Variants in NLGN1 observed in about 807,000 individuals in gnomAD.
The protein encoded by NLGN1 is neuroligin-1.
NLGN1 carries 12 observed loss-of-function variants against 65.5 expected under a neutral mutation model. The observed-to-expected ratio is 0.18, with a 90% confidence interval of 0.12 to 0.30. NLGN1 has a LOEUF of 0.30. NLGN1 is among the 10% of genes least tolerant of loss of function. NLGN1 has a pLI of 1.00. For missense variants in NLGN1, 750 were observed against 1,007.1 expected, an observed-to-expected ratio of 0.74 and a Z score of 3.46; for synonymous variants, 350 against 359.5, an observed-to-expected ratio of 0.97 and a Z score of 0.30.
At position 173,851,382 on chromosome 3, in the gene NLGN1, C is replaced by A. The variant is rs577688152; in HGVS notation, c.646+43550C>A. Among the ~76,000 whole-genome samples, 5 of 152,234 alleles carry A rather than the reference C, an allele frequency of 3.3e-5. No homozygotes were observed. The South Asian group carries it at 1.0e-3, about 32-fold the overall frequency. On this transcript the variant is annotated intron_variant, in intron 4 of 6. Transcript: ENST00000457714. ...TGTGTATTTCAATAGGCATACATAA[C>A]TAGGTCATATTGATTTATGATTATG...
At chr3:173,995,954 G>T (rs77034407) in intron 4 of NLGN1, among the ~76,000 whole-genome samples, 3,962 of 152,132 alleles carry the variant, frequency 0.026, 147 homozygotes, top group African/African-American at 0.077. Flanking sequence ...TGAAAGTGCT[G>T]GGATTATAGG....
intron 4 of NLGN1, among the ~76,000 whole-genome samples, chr3:173,871,157 A>G (rs778869795): frequency 3.9e-5 from 6 of 152,166 alleles, no homozygotes; most frequent in Non-Finnish European, 8.8e-5. Context: ...ACATGTGGTG[A>G]TGCAGGGAAG....
At chr3:173,972,799 G>C (rs1159873481) in intron 4 of NLGN1, among the ~76,000 whole-genome samples, 1 of 152,046 alleles carries the variant, frequency 6.6e-6, no homozygotes, top group Non-Finnish European at 1.5e-5. Flanking sequence ...GTGGTCCCCA[G>C]GCTAGTAGCA....
intron 3 of NLGN1, among the ~76,000 whole-genome samples, chr3:173,734,859 A>T (rs1032478622): frequency 4.6e-5 from 7 of 152,102 alleles, no homozygotes; most frequent in Non-Finnish European, 5.9e-5. Flanking sequence ...TCTGACTCAA[A>T]GTGATCAGGA....
At chr3:173,707,136 G>A (rs767075881) in intron 3 of NLGN1, among the ~76,000 whole-genome samples, 2 of 152,192 alleles carry the variant, frequency 1.3e-5, no homozygotes, top group Admixed American at 6.5e-5. Context: ...CAGGAACCAC[G>A]TCTGACCTAT....
rs370193288 is a variant in NLGN1, at chr3:174,106,980, TCACA to T, written c.647-168300_647-168297del. The stretch of plus-strand genomic sequence containing the variant: ...ATTCAAATGACAATCTCTTCAAGAA[TCACA>T]CACACACACACACACACACACACAC... On this transcript the variant is annotated intron_variant, in intron 4 of 6. Transcript: ENST00000457714. Among the ~76,000 whole-genome samples the T allele has an allele frequency of 4.0e-3, 455 of 113,118 alleles. 4 individuals carry two copies. Among genetic ancestry groups the T allele is most frequent in the South Asian group, 0.014 (43 of 3,142 alleles). 74.2% of individuals were successfully genotyped at this position (113,118 alleles called of 152,430 possible). A position where few individuals can be genotyped will look rare whatever the true frequency, so the allele number is the denominator to read the frequency against.
At chr3:173,971,534 T>C (rs555180136) in intron 4 of NLGN1, among the ~76,000 whole-genome samples, 1 of 152,158 alleles carries the variant, frequency 6.6e-6, no homozygotes, top group East Asian at 1.9e-4. Context: ...TTAAGGAGAA[T>C]ATGTACACAA....
chr3:173,522,430 G>A (rs1350223388), intron 2 of NLGN1, among the ~76,000 whole-genome samples: 2 of 152,104 alleles, frequency 1.3e-5, no homozygotes, highest in South Asian at 2.1e-4. Flanking sequence ...ATGCATACAG[G>A]TGTTGTTGTT....
At chr3:173,542,994 A>G (rs1387164338) in intron 2 of NLGN1, among the ~76,000 whole-genome samples, 14 of 152,010 alleles carry the variant, frequency 9.2e-5, no homozygotes, top group Admixed American at 9.2e-4. Flanking sequence ...TTTATTTCAC[A>G]GTAGGTGGTG....
At chr3:173,730,685 A>G (rs1178811598) in intron 3 of NLGN1, among the ~76,000 whole-genome samples, 1 of 152,058 alleles carries the variant, frequency 6.6e-6, no homozygotes, top group Non-Finnish European at 1.5e-5. Context: ...AGTAATTCAT[A>G]TCTTTTTTTC....
chr3:173,510,040 G>A (rs1236378559), intron 2 of NLGN1, among the ~76,000 whole-genome samples: 3 of 152,100 alleles, frequency 2.0e-5, no homozygotes, highest in Non-Finnish European at 4.4e-5. Flanking sequence ...AATCACATTT[G>A]GCTGTAACAA....
chr3:173,929,427 G>T (rs1044225098), intron 4 of NLGN1, among the ~76,000 whole-genome samples: 3 of 152,026 alleles, frequency 2.0e-5, no homozygotes, highest in African/African-American at 7.2e-5. Context: ...GGATATTGCA[G>T]GTTGTCAGAT....
intron 2 of NLGN1, among the ~76,000 whole-genome samples, chr3:173,448,768 A>G (rs1316479580): frequency 2.0e-5 from 3 of 152,124 alleles, no homozygotes; most frequent in East Asian, 1.9e-4. Context: ...CAGAGATTCA[A>G]CTTCTTCCTG....
At chr3:173,714,107 T>C (rs1382573675) in intron 3 of NLGN1, among the ~76,000 whole-genome samples, 8 of 152,200 alleles carry the variant, frequency 5.3e-5, no homozygotes, top group Admixed American at 5.2e-4. Context: ...ATTAAATTGG[T>C]TGTCATGATG....
chr3:174,095,222 TAA>T (rs1189638040), intron 4 of NLGN1, among the ~76,000 whole-genome samples: 2 of 114,814 alleles, frequency 1.7e-5, no homozygotes, highest in African/African-American at 3.2e-5. Flanking sequence ...TTTTAAAAAC[TAA>T]AAAAAAAAAA....
chr3:173,659,377 T>G (rs1236931143), intron 3 of NLGN1, among the ~76,000 whole-genome samples: 6 of 151,994 alleles, frequency 3.9e-5, no homozygotes, highest in Non-Finnish European at 8.8e-5. Flanking sequence ...CCATTTTATT[T>G]GCTGTCTCCT....
intron 4 of NLGN1, among the ~76,000 whole-genome samples, chr3:173,961,886 G>A (rs547978207): frequency 3.3e-5 from 5 of 151,992 alleles, no homozygotes; most frequent in South Asian, 4.2e-4. Context: ...TGCCTACTCA[G>A]CTCTCCCCAC....
At chr3:173,723,983 A>T (rs1771323744) in intron 3 of NLGN1, among the ~76,000 whole-genome samples, 1 of 152,212 alleles carries the variant, frequency 6.6e-6, no homozygotes, top group Non-Finnish European at 1.5e-5. Flanking sequence ...GATAGGAGAA[A>T]GAAGTCAGAA....
At chr3:173,817,726 A>G (rs1437904214) in intron 4 of NLGN1, among the ~76,000 whole-genome samples, 5 of 152,200 alleles carry the variant, frequency 3.3e-5, no homozygotes, top group Admixed American at 1.3e-4. Flanking sequence ...TATAGTAATC[A>G]TGTAATCATG....
Sources: allele counts gnomAD v4.1 joint callset (sites outside exome capture counted in the v4.1 genomes callset), GRCh38; gene constraint gnomAD v4.1.1; transcripts MANE v1.5; gene names NCBI Gene and HGNC (gene_info 2026-07-23, HGNC 2026-07-21).